PAPLN: variants seen among roughly 807,000 people sequenced by gnomAD.
PAPLN encodes papilin, proteoglycan like sulfated glycoprotein, also known as papilin.
A neutral mutation model predicts 159.0 loss-of-function variants in PAPLN; 146 were observed. The observed-to-expected ratio is 0.92, with a 90% CI of 0.80 to 1.05. The LOEUF (loss-of-function observed/expected upper bound fraction) is 1.05. Among genes scored for constraint, PAPLN ranks in the 50% least tolerant of loss-of-function variants. PAPLN has a pLI of 0.00. For missense variants in PAPLN, 1,720 were observed against 1,743.9 expected (o/e 0.99, Z 0.24); for synonymous variants, 734 against 702.9 (o/e 1.04, Z -0.70).
chr14:73,252,274 T>G, intron 10 of PAPLN, 133 bp downstream of exon 10: 104 of 1,336,600 alleles, frequency 7.8e-5, no homozygotes, highest in Middle Eastern at 2.7e-4. Context: ...GAGAAATCTC[T>G]GTGTTATGGG....
At position 73,245,689 on chromosome 14, in the gene PAPLN, G is replaced by T; in HGVS notation, c.224G>T (p.Arg75Leu). 1 of 1,550,616 alleles carries T rather than the reference G, an allele frequency of 6.4e-7. No homozygotes were observed. Among genetic ancestry groups the T allele is most frequent in the Non-Finnish European group, 8.7e-7 (1 of 1,150,922 alleles). Residue 75 changes from arginine to leucine, a missense_variant, in exon 4 of 27, where the codon CGC becomes CTC. Arg to Leu is a moderately radical substitution (Grantham distance 102). Coordinates refer to ENST00000644200, the MANE Select transcript of PAPLN (RefSeq NM_001365906.3). This position sits in a 1 kb window ranked among gnomAD's most constrained non-coding sequence, Gnocchi z 4.2. ...CCCGCCCGGAGCCACCGCTCTTGTC[G>T]CACGGAGGTAAAGCTCACGGGGCGC... ...VGPARSHRSC[R>L]TESCPDGARD...
At chr14:73,266,317 G>T (rs1887208440) in intron 23 of PAPLN, among the ~76,000 whole-genome samples, 184 bp from the exon 24 acceptor site, 1 of 152,190 alleles carries the variant, frequency 6.6e-6, no homozygotes, top group Non-Finnish European at 1.5e-5. Flanking sequence ...AGCAGCTGCA[G>T]GTGTAAAGTC....
At chr14:73,266,366 CTAGGGGATGCT>C in intron 23 of PAPLN, 124 bp from the exon 24 acceptor site, 2 of 1,118,288 alleles carry the variant, frequency 1.8e-6, no homozygotes, top group Non-Finnish European at 2.5e-6. Context: ...CCACCAAACA[CTAGGGGATGCT>C]TAGCCTCTCA....
chr14:73,260,098 G>A (rs779038856), intron 16 of PAPLN, among the ~76,000 whole-genome samples: 2 of 152,184 alleles, frequency 1.3e-5, no homozygotes, highest in East Asian at 1.9e-4. Flanking sequence ...GCAGTTCCCA[G>A]CTCAGACACT....
In PAPLN at chr14:73,263,666, G is replaced by A; in HGVS notation, c.2745G>A (p.Glu915=). 1 of 1,613,716 alleles carries A rather than the reference G, an allele frequency of 6.2e-7. No homozygotes were observed. The highest frequency in any genetic ancestry group is 8.5e-7 in the Non-Finnish European group (1 of 1,180,000). The part of the protein sequence containing the change: ...SSYRISLAGV[E]PSLVQAALGQ... Reference sequence around the variant, plus strand: ...CCAGGATTAGCTTGGCAGGTGTGGAGCCCTCGTTGGTGCAGGCAGCCCTGG... The same window carrying A: ...CCAGGATTAGCTTGGCAGGTGTGGAACCCTCGTTGGTGCAGGCAGCCCTGG... The change falls in exon 20 of 27, where the codon GAG becomes GAA. Residue 915 remains glutamate (E), a synonymous_variant. Coordinates refer to ENST00000644200, the MANE Select transcript of PAPLN (RefSeq NM_001365906.3).
chr14:73,268,748 T>C (rs750386130), intron 26 of PAPLN, 25 bp downstream of exon 26: 3 of 1,577,378 alleles, frequency 1.9e-6, no homozygotes, highest in Non-Finnish European at 2.6e-6. Context: ...TATCCGGGGA[T>C]GGGAAGGACA....
Position 73,245,129 on chromosome 14 carries a change from T to A in PAPLN, c.170+370T>A, listed in dbSNP as rs1594779982. The A allele has an allele frequency of 4.7e-6, 1 of 210,940 alleles. No homozygotes were observed. The allele number at this position is 210,940 out of a possible 1,614,324, so 13.1% of individuals were successfully genotyped here. Reference sequence around the variant, plus strand: ...CAGATGTTCCCCACTTCAAGCGATTTATTAAATGCTTGCTGTGTGTGCTGC... The same window carrying A: ...CAGATGTTCCCCACTTCAAGCGATTAATTAAATGCTTGCTGTGTGTGCTGC... On this transcript the variant is annotated intron_variant, in intron 3 of 26. Transcript: ENST00000644200. This position sits in a 1 kb window ranked among gnomAD's most constrained non-coding sequence, Gnocchi z 4.2.
intron 3 of PAPLN, 59 bp downstream of exon 3, chr14:73,244,818 G>A: frequency 7.2e-7 from 1 of 1,391,174 alleles, no homozygotes; most frequent in African/African-American, 1.4e-5. Context: ...GCTGCCTTCT[G>A]GGTGGTGGGC....
intron 16 of PAPLN, 105 bp from the exon 17 acceptor site, chr14:73,260,604 C>A: frequency 7.5e-7 from 1 of 1,334,438 alleles, no homozygotes; most frequent in South Asian, 2.5e-5. Flanking sequence ...CCCCAGGTCC[C>A]CACCCTGTCA....
intron 6 of PAPLN, 140 bp from the exon 7 acceptor site, chr14:73,250,767 C>G: frequency 9.6e-7 from 1 of 1,045,292 alleles, no homozygotes; most frequent in Non-Finnish European, 1.3e-6. Context: ...ACAGGCCAGT[C>G]CCCTGGCTGG....
chr14:73,239,133 G>A (rs1883268989), intron 1 of PAPLN, among the ~76,000 whole-genome samples: 1 of 151,900 alleles, frequency 6.6e-6, no homozygotes, highest in South Asian at 2.1e-4. Flanking sequence ...ACTGCACACT[G>A]CCCTGAGCAC....
chr14:73,271,371 A>C (rs1887701900), intron 26 of PAPLN, among the ~76,000 whole-genome samples: 1 of 152,188 alleles, frequency 6.6e-6, no homozygotes, highest in African/African-American at 2.4e-5. Context: ...TTTTGTGAGT[A>C]AACAAGGGGA....
intron 14 of PAPLN, among the ~76,000 whole-genome samples, chr14:73,256,942 C>T (rs1179777854): frequency 6.6e-6 from 1 of 151,818 alleles, no homozygotes; most frequent in Admixed American, 6.6e-5. Context: ...TAGGGATTGG[C>T]AAGATGTAGT....
rs2140289253 is a variant in PAPLN, at chr14:73,262,921, T to TCCCC, written c.2723+95_2723+98dup. ...ACCCCTGAAGTCAGCCGGCCCTCCC[T>TCCCC]CCCCATCCCTAACTTCTGTTTCTCC... is the stretch of plus-strand genomic sequence containing the variant. On this transcript the variant is annotated intron_variant, in intron 19 of 26. Coordinates refer to ENST00000644200, the MANE Select transcript of PAPLN (RefSeq NM_001365906.3). The TCCCC allele has an allele frequency of 2.6e-6, 3 of 1,135,634 alleles. No individual in the cohort carries two copies. In the East Asian group the frequency reaches 9.0e-5, roughly 34 times the overall value. 70.3% of individuals were successfully genotyped at this position (1,135,634 alleles called of 1,614,324 possible). A position where few individuals can be genotyped will look rare whatever the true frequency, so the allele number is the denominator to read the frequency against.
chr14:73,236,588 G>C (rs1485220695), upstream of PAPLN, among the ~76,000 whole-genome samples: 4 of 152,112 alleles, frequency 2.6e-5, no homozygotes, highest in Non-Finnish European at 5.9e-5. Context: ...AGTCCGAGGT[G>C]GGTGGATCAC....
rs1594835736 is a variant in PAPLN, at chr14:73,268,673, A to T, written c.3617A>T (p.Gln1206Leu). 2 of 1,613,744 alleles carry T rather than the reference A, an allele frequency of 1.2e-6. No individual in the cohort carries two copies. Among genetic ancestry groups the T allele is most frequent in the Non-Finnish European group, 1.7e-6 (2 of 1,179,868 alleles). Reference sequence around the variant, plus strand: ...GGCTCCTACACGTGCAGTGCCTACCAGGGGAGCCAGGCAGTCAGCCGCAGC... The same window carrying T: ...GGCTCCTACACGTGCAGTGCCTACCTGGGGAGCCAGGCAGTCAGCCGCAGC... Reference protein sequence around the residue: ...DEGSYTCSAYQGSQAVSRSTE... With the variant: ...DEGSYTCSAYLGSQAVSRSTE... The change falls in exon 26 of 27, where the codon CAG (glutamine) becomes CTG (leucine). Residue 1206 changes from glutamine to leucine, a missense_variant. Coordinates refer to ENST00000644200, the MANE Select transcript of PAPLN (RefSeq NM_001365906.3).
chr14:73,247,889 CGTGTGTGTGTGTGT>C (rs71112721), intron 5 of PAPLN, among the ~76,000 whole-genome samples: 207 of 19,842 alleles, frequency 0.01, 3 homozygotes, highest in African/African-American at 0.026. Context: ...TCATATCCTC[CGTGTGTGTGTGTGT>C]GTGTGTGTGT....
chr14:73,263,960 C>T (rs769159484), intron 20 of PAPLN, 178 bp downstream of exon 20: 11 of 1,387,918 alleles, frequency 7.9e-6, no homozygotes, highest in South Asian at 2.6e-5. Context: ...GACGGCCCCC[C>T]GACCTCCTCT....
chr14:73,254,080 C>T (rs1311141409), intron 12 of PAPLN, 119 bp downstream of exon 12: 8 of 1,164,166 alleles, frequency 6.9e-6, no homozygotes, highest in Non-Finnish European at 9.5e-6. Flanking sequence ...CCGGTCAGGT[C>T]ATCTTGGAAG....
Sources: allele counts gnomAD v4.1 joint callset (sites outside exome capture counted in the v4.1 genomes callset), GRCh38; gene constraint gnomAD v4.1.1; non-coding constraint Gnocchi (gnomAD v3.1); transcripts MANE v1.5; gene names NCBI Gene and HGNC (gene_info 2026-07-23, HGNC 2026-07-21).